COPG2: variants seen among roughly 807,000 people sequenced by gnomAD.
COPG2 encodes coat protein complex I subunit gamma 2, also known as coatomer subunit gamma-2.
In COPG2, 37 loss-of-function variants were observed where a neutral mutation model predicts 46.3. The observed-to-expected ratio is 0.80, with a 90% CI of 0.61 to 1.05. COPG2 has a LOEUF of 1.05. COPG2 is among the 50% of genes least tolerant of loss of function. COPG2 has a pLI of 0.00. For missense variants in COPG2, 427 were observed against 387.8 expected, an observed-to-expected ratio of 1.10 and a Z score of -0.85; for synonymous variants, 159 against 129.7, an observed-to-expected ratio of 1.23 and a Z score of -1.53.
chr7:130,640,423 G>C (rs1376697492), intron 5 of COPG2, among the ~76,000 whole-genome samples: 1 of 150,850 alleles, frequency 6.6e-6, no homozygotes, highest in Non-Finnish European at 1.5e-5. Flanking sequence ...TTTTGTCCAG[G>C]GTTGTTATTT....
intron 20 of COPG2, among the ~76,000 whole-genome samples, chr7:130,518,702 T>G (rs1042234859): frequency 6.6e-6 from 1 of 152,036 alleles, no homozygotes; most frequent in South Asian, 2.1e-4. Context: ...TATTAAGATA[T>G]GTATAAAAAA....
At chr7:130,518,291 G>A (rs1245445111) in intron 20 of COPG2, among the ~76,000 whole-genome samples, 1 of 152,182 alleles carries the variant, frequency 6.6e-6, no homozygotes, top group Non-Finnish European at 1.5e-5. Flanking sequence ...AGAAGTGGGT[G>A]TATTCATTTT....
intron 9 of COPG2, among the ~76,000 whole-genome samples, chr7:130,566,206 C>T (rs1793800503): frequency 6.6e-6 from 1 of 152,162 alleles, no homozygotes; most frequent in Non-Finnish European, 1.5e-5. Flanking sequence ...AATTGTATCT[C>T]ATTGTGGTTT....
In COPG2 at chr7:130,659,226, G is replaced by A. The variant is rs368031481; in HGVS notation, c.243+3741C>T. The stretch of plus-strand genomic sequence containing the variant: ...AAAAATTATCCAGGTGTGGTGGCGG[G>A]TGCCTGTAGTCCCAGCTACTCAGGA... On this transcript the variant is annotated intron_variant, in intron 4 of 23. Transcript: ENST00000425248. Among the ~76,000 whole-genome samples, 214 of 151,348 alleles carry A rather than the reference G, an allele frequency of 1.4e-3. 1 individual carries two copies. The highest frequency in any genetic ancestry group is 4.8e-3 in the African/African-American group (199 of 41,248).
chr7:130,658,693 T>C (rs979346727), intron 4 of COPG2, among the ~76,000 whole-genome samples: 3 of 152,120 alleles, frequency 2.0e-5, no homozygotes, highest in African/African-American at 7.2e-5. Context: ...TGATTTTTTT[T>C]TTTTTGACAC....
In COPG2 at chr7:130,654,603, G is replaced by A. The variant is rs116620161; in HGVS notation, c.244-1655C>T. ...GTTGATATACTCATATACGTATAAG[G>A]AATCAGAGTATCCTAAGACTCTCGA... On this transcript the variant is annotated intron_variant, in intron 4 of 23. Coordinates refer to ENST00000425248, the MANE Select transcript of COPG2 (RefSeq NM_012133.6). 9.8e-3 allele frequency among the ~76,000 whole-genome samples: 1,498 copies of A among 152,230 alleles called. 23 individuals are homozygous for A. Among genetic ancestry groups the A allele is most frequent in the African/African-American group, 0.034 (1,420 of 41,538 alleles).
chr7:130,623,504 C>T (rs73484554), intron 5 of COPG2, among the ~76,000 whole-genome samples: 1 of 152,158 alleles, frequency 6.6e-6, no homozygotes, highest in African/African-American at 2.4e-5. Context: ...CTTCCTCTCC[C>T]CTCTACCCAA....
chr7:130,549,249 T>C, intron 18 of COPG2, 65 bp downstream of exon 18: 1 of 398,350 alleles, frequency 2.5e-6, no homozygotes, highest in Non-Finnish European at 4.4e-6. Flanking sequence ...GTAAGACTGG[T>C]AGACTTTTTA....
chr7:130,532,769 G>A (rs1014243341), intron 20 of COPG2, among the ~76,000 whole-genome samples: 28 of 152,266 alleles, frequency 1.8e-4, no homozygotes, highest in Non-Finnish European at 3.8e-4. Context: ...CCACTGGATC[G>A]TGAGCATGGA....
chr7:130,600,662 T>C (rs782642562), intron 9 of COPG2, among the ~76,000 whole-genome samples: 10 of 152,222 alleles, frequency 6.6e-5, no homozygotes, highest in Non-Finnish European at 1.2e-4. Context: ...ATAGTTAGTA[T>C]ACATTTTTTA....
intron 20 of COPG2, among the ~76,000 whole-genome samples, chr7:130,529,019 C>T (rs942739031): frequency 2.0e-4 from 30 of 152,204 alleles, no homozygotes; most frequent in Admixed American, 1.6e-3. Flanking sequence ...AAAAGCTGGG[C>T]ACCACAGTGT....
At chr7:130,586,955 A>G (rs1471951082) in intron 9 of COPG2, among the ~76,000 whole-genome samples, 1 of 152,064 alleles carries the variant, frequency 6.6e-6, no homozygotes, top group Non-Finnish European at 1.5e-5. Flanking sequence ...AGCAGTTTAT[A>G]AATTACATAT....
chr7:130,510,816 G>A, intron 20 of COPG2: 1 of 460,746 alleles, frequency 2.2e-6, no homozygotes, highest in East Asian at 5.8e-5. Context: ...AGCTGCTGGA[G>A]AGGATGACGA....
intron 20 of COPG2, among the ~76,000 whole-genome samples, chr7:130,527,901 A>G (rs926098401): frequency 8.5e-5 from 13 of 152,212 alleles, no homozygotes; most frequent in African/African-American, 1.4e-4. Context: ...TCCCAGACTC[A>G]AGGACTCAGG....
At chr7:130,599,681 T>TG (rs1389328498) in intron 9 of COPG2, among the ~76,000 whole-genome samples, 1 of 152,180 alleles carries the variant, frequency 6.6e-6, no homozygotes, top group Non-Finnish European at 1.5e-5. Context: ...ATGATTCTAT[T>TG]GACAGAGCAT....
At chr7:130,660,182 T>G (rs1340119760) in intron 4 of COPG2, among the ~76,000 whole-genome samples, 1 of 152,178 alleles carries the variant, frequency 6.6e-6, no homozygotes, top group South Asian at 2.1e-4. Context: ...TCATTAAAAC[T>G]AATCACATCA....
intron 20 of COPG2, chr7:130,509,917 C>G (rs781902985): frequency 2.1e-6 from 1 of 475,772 alleles, no homozygotes. Context: ...TGCAAAAGAG[C>G]TTTGGCAAGC....
At chr7:130,534,415 C>T (rs986824434) in intron 20 of COPG2, among the ~76,000 whole-genome samples, 3 of 152,176 alleles carry the variant, frequency 2.0e-5, no homozygotes, top group Admixed American at 6.5e-5. Context: ...ATCACTTAAT[C>T]CTTGGTTTTG....
chr7:130,529,808 C>G (rs1389305184), intron 20 of COPG2, among the ~76,000 whole-genome samples: 1 of 152,152 alleles, frequency 6.6e-6, no homozygotes, highest in Non-Finnish European at 1.5e-5. Context: ...TTTGCAAAGG[C>G]CAGAGGAGCT....
Sources: allele counts gnomAD v4.1 joint callset (sites outside exome capture counted in the v4.1 genomes callset), GRCh38; gene constraint gnomAD v4.1.1; transcripts MANE v1.5; gene names NCBI Gene and HGNC (gene_info 2026-07-23, HGNC 2026-07-21).